Variants in PHKB observed in about 807,000 individuals in gnomAD.
PHKB encodes the protein phosphorylase kinase regulatory subunit beta.
A neutral mutation model predicts 152.1 loss-of-function variants in PHKB; 122 were observed. That is an observed-to-expected ratio of 0.80 (90% CI 0.69 to 0.93). The LOEUF is 0.93. Among genes scored for constraint, PHKB ranks in the 40% least tolerant of loss-of-function variants. The pLI is 0.00. For synonymous variants in PHKB, 436 were observed against 464.9 expected (o/e 0.94, Z 0.80); for missense variants, 1,304 against 1,328.4 (o/e 0.98, Z 0.29).
chr16:47,467,963 A>G (rs138329918), intron 1 of PHKB, among the ~76,000 whole-genome samples: 6 of 152,362 alleles, frequency 3.9e-5, no homozygotes, highest in Middle Eastern at 6.8e-3. Flanking sequence ...GGAACAAAAC[A>G]GAACTCTTAT....
intron 25 of PHKB, chr16:47,665,886 C>T (rs997093298): frequency 8.3e-7 from 1 of 1,199,906 alleles, no homozygotes; most frequent in African/African-American, 1.5e-5. Flanking sequence ...GGGCCCCATG[C>T]ATTCCTCATC....
intron 14 of PHKB, among the ~76,000 whole-genome samples, chr16:47,626,149 A>G (rs1229357673): frequency 6.6e-6 from 1 of 152,248 alleles, no homozygotes; most frequent in African/African-American, 2.4e-5. Context: ...TCTCATTGAT[A>G]TAGAAAACCC....
intron 26 of PHKB, among the ~76,000 whole-genome samples, chr16:47,679,269 A>G (rs1004874982): frequency 6.6e-6 from 1 of 152,068 alleles, no homozygotes; most frequent in Non-Finnish European, 1.5e-5. Context: ...TTTTGGTTCT[A>G]TATGTACTTT....
chr16:47,461,459 A>G (rs771592548), intron 1 of PHKB, 33 bp downstream of exon 1: 10 of 1,610,026 alleles, frequency 6.2e-6, no homozygotes, highest in Admixed American at 1.7e-5. Context: ...CCCCCACCCG[A>G]GTACCTTGGG....
chr16:47,673,328 A>G (rs1973669177), intron 26 of PHKB, among the ~76,000 whole-genome samples: 1 of 152,160 alleles, frequency 6.6e-6, no homozygotes, highest in East Asian at 1.9e-4. Flanking sequence ...GAATTTAGGA[A>G]AAGCAAAAAG....
At chr16:47,528,750 G>A (rs567116621) in intron 6 of PHKB, among the ~76,000 whole-genome samples, 15 of 146,262 alleles carry the variant, frequency 1.0e-4, no homozygotes, top group African/African-American at 3.8e-4. Flanking sequence ...AGGCTGGAGT[G>A]CAGTGGCATG....
intron 14 of PHKB, among the ~76,000 whole-genome samples, chr16:47,632,030 G>T (rs189524764): frequency 6.6e-6 from 1 of 152,100 alleles, no homozygotes; most frequent in Non-Finnish European, 1.5e-5. Context: ...ACAAGCTGTC[G>T]TGTATTTCCA....
At chr16:47,536,827 A>G (rs547132189) in intron 6 of PHKB, among the ~76,000 whole-genome samples, 48 of 152,364 alleles carry the variant, frequency 3.2e-4, no homozygotes, top group Middle Eastern at 3.4e-3. Flanking sequence ...CACACTTGGA[A>G]CAAAAATTAA....
chr16:47,520,336 A>G (rs1299788482), intron 6 of PHKB, among the ~76,000 whole-genome samples: 1 of 152,244 alleles, frequency 6.6e-6, no homozygotes, highest in Non-Finnish European at 1.5e-5. Context: ...TTGCATATAG[A>G]AAAACTTATT....
At chr16:47,515,718 A>G in intron 6 of PHKB, 117 bp downstream of exon 6, 1 of 677,472 alleles carries the variant, frequency 1.5e-6, no homozygotes, top group Non-Finnish European at 2.6e-6. Flanking sequence ...TTACATTTAT[A>G]TAATCAGATA....
chr16:47,696,534 G>T (rs2142110601), intron 29 of PHKB, 46 bp downstream of exon 29: 1 of 1,060,206 alleles, frequency 9.4e-7, no homozygotes, highest in Non-Finnish European at 1.5e-6. Context: ...CCTTCTCTCT[G>T]CTCCGTGAAA....
chr16:47,484,191 A>G (rs574980429), intron 1 of PHKB, among the ~76,000 whole-genome samples: 3 of 152,330 alleles, frequency 2.0e-5, no homozygotes, highest in East Asian at 1.9e-4. Context: ...TTTATAGGCC[A>G]TGTTCTTTCT....
chr16:47,616,753 A>G (rs1197284764), intron 14 of PHKB, among the ~76,000 whole-genome samples: 1 of 151,484 alleles, frequency 6.6e-6, no homozygotes, highest in Non-Finnish European at 1.5e-5. Context: ...GGAATTAAAG[A>G]CACACGCACA....
At chr16:47,692,525 A>C (rs1974079310) in intron 27 of PHKB, among the ~76,000 whole-genome samples, 2 of 152,072 alleles carry the variant, frequency 1.3e-5, no homozygotes, top group African/African-American at 4.8e-5. Context: ...CTGAGGTGGG[A>C]GGATCGCTTG....
rs1973594749 is a variant in PHKB, at chr16:47,669,290, A to C, written c.2503A>C (p.Ile835Leu). The C allele has an allele frequency of 3.7e-6, 6 of 1,613,954 alleles. No individual in the cohort carries two copies. The highest frequency in any genetic ancestry group is 5.1e-6 in the Non-Finnish European group (6 of 1,179,944). Residue 835 changes from isoleucine (I) to leucine (L), a missense_variant, in exon 26 of 31, where the codon ATC (isoleucine) becomes CTC (leucine). By Grantham distance (5) the Ile-to-Leu change is conservative. Coordinates refer to ENST00000323584, the MANE Select transcript of PHKB (RefSeq NM_000293.3). ...GTCTCCAAGAGTGATTCAAAACATC[A>C]TCTATTATAAGTGTAACACCCATGA... ...PLSPRVIQNI[I>L]YYKCNTHDER...
intron 14 of PHKB, among the ~76,000 whole-genome samples, chr16:47,634,703 TGCACTTGATGGGA>T (rs2151722873): frequency 6.6e-6 from 1 of 152,220 alleles, no homozygotes; most frequent in Admixed American, 6.5e-5. Context: ...CTGTAACCAG[TGCACTTGATGGGA>T]ATATAGTTGG....
chr16:47,531,268 C>T (rs1970857209), intron 6 of PHKB, among the ~76,000 whole-genome samples: 3 of 152,126 alleles, frequency 2.0e-5, no homozygotes, highest in African/African-American at 7.2e-5. Context: ...ATATTGGAAG[C>T]CACTTTTTAT....
At chr16:47,574,515 T>G (rs1481715792) in intron 7 of PHKB, among the ~76,000 whole-genome samples, 1 of 152,224 alleles carries the variant, frequency 6.6e-6, no homozygotes, top group Non-Finnish European at 1.5e-5. Context: ...GGGTGAGGCA[T>G]GCTAACAATG....
At chr16:47,604,560 T>G (rs1205922965) in intron 13 of PHKB, among the ~76,000 whole-genome samples, 3 of 152,232 alleles carry the variant, frequency 2.0e-5, no homozygotes, top group Non-Finnish European at 4.4e-5. Context: ...GAGAATCAGC[T>G]AGGCTTTGAA....
Sources: allele counts gnomAD v4.1 joint callset (sites outside exome capture counted in the v4.1 genomes callset), GRCh38; gene constraint gnomAD v4.1.1; transcripts MANE v1.5; gene names NCBI Gene and HGNC (gene_info 2026-07-23, HGNC 2026-07-21).